The following COL19A1 variants were observed in gnomAD, a reference collection of about 807,000 sequenced individuals.
The protein encoded by COL19A1 is collagen alpha-1(XIX) chain.
COL19A1 carries 159 observed loss-of-function variants against 190.2 expected under a neutral mutation model. The ratio of observed to expected loss-of-function variants is 0.84; its 90% CI spans 0.73 to 0.95. COL19A1 has a LOEUF of 0.95. COL19A1 is among the 40% of genes least tolerant of loss of function. The pLI, the probability that COL19A1 is intolerant of heterozygous loss-of-function variation, is 0.00. For synonymous variants in COL19A1, 509 were observed against 458.9 expected, an observed-to-expected ratio of 1.11 and a Z score of -1.39; for missense variants, 1,418 against 1,431.9, an observed-to-expected ratio of 0.99 and a Z score of 0.16.
intron 48 of COL19A1, among the ~76,000 whole-genome samples, chr6:70,193,026 A>T (rs1394182248): frequency 2.0e-5 from 3 of 152,110 alleles, no homozygotes; most frequent in African/African-American, 7.2e-5. Flanking sequence ...AAAATCATAT[A>T]TTTAATAGTC....
intron 4 of COL19A1, among the ~76,000 whole-genome samples, chr6:69,909,157 C>T (rs1290925237): frequency 6.6e-6 from 1 of 152,124 alleles, no homozygotes; most frequent in Non-Finnish European, 1.5e-5. Flanking sequence ...CATTTACAAA[C>T]TTATCCATTT....
In COL19A1 at chr6:70,182,517, T is replaced by C. The variant is rs73746893; in HGVS notation, c.2775+1994T>C. ...GTATCTAAACCTGAGCCTGGAAAAG[T>C]GGAGTCACTGTGGATAGGAAGGGAA... On this transcript the variant is annotated intron_variant, in intron 44 of 50. Coordinates refer to ENST00000620364, the MANE Select transcript of COL19A1 (RefSeq NM_001858.6). Among the ~76,000 whole-genome samples the C allele has an allele frequency of 2.6e-3, 394 of 152,134 alleles. 4 individuals carry two copies. Among genetic ancestry groups the C allele is most frequent in the African/African-American group, 7.6e-3 (315 of 41,496 alleles).
In COL19A1 at chr6:69,921,434, A is replaced by ATTCATATATTCATAT. The variant is rs1333527522; in HGVS notation, c.267-6474_267-6473insTCATATATTCATATT. On this transcript the variant is annotated intron_variant, in intron 4 of 50. Transcript: ENST00000620364. ...ATCATATATCATATATATCATATAT[A>ATTCATATATTCATAT]TCATATATATCATATATCATATATA... 7.5e-3 allele frequency among the ~76,000 whole-genome samples: 586 copies of ATTCATATATTCATAT among 78,042 alleles called. 44 individuals are homozygous for ATTCATATATTCATAT. The highest frequency in any genetic ancestry group is 0.026 in the South Asian group (68 of 2,664). The allele number at this position is 78,042 out of a possible 152,430, so 51.2% of individuals were successfully genotyped here.
At chr6:69,910,250 C>T (rs1280870232) in intron 4 of COL19A1, among the ~76,000 whole-genome samples, 1 of 152,052 alleles carries the variant, frequency 6.6e-6, no homozygotes, top group Admixed American at 6.6e-5. Flanking sequence ...CTTATAATAC[C>T]ACCTTACATT....
At chr6:69,979,884 A>G (rs1775948623) in intron 11 of COL19A1, among the ~76,000 whole-genome samples, 1 of 151,976 alleles carries the variant, frequency 6.6e-6, no homozygotes, top group Middle Eastern at 4.3e-3. Flanking sequence ...AAGGGACAAG[A>G]TGTATACAAA....
At chr6:69,905,387 C>A (rs1455689172) in intron 4 of COL19A1, among the ~76,000 whole-genome samples, 2 of 152,206 alleles carry the variant, frequency 1.3e-5, no homozygotes, top group Non-Finnish European at 2.9e-5. Flanking sequence ...GGCTCCCACA[C>A]ACAGCTACAT....
chr6:69,975,587 C>T (rs991830135), intron 11 of COL19A1, among the ~76,000 whole-genome samples: 4 of 152,166 alleles, frequency 2.6e-5, no homozygotes, highest in Admixed American at 6.5e-5. Flanking sequence ...TACATGTATA[C>T]GTGCTGCCTT....
intron 46 of COL19A1, among the ~76,000 whole-genome samples, chr6:70,186,303 A>G (rs1016319993): frequency 2.6e-5 from 4 of 152,192 alleles, no homozygotes; most frequent in African/African-American, 9.7e-5. Context: ...CTTGCACATG[A>G]TCAGAGTATT....
chr6:69,940,893 T>A (rs1398246821), intron 9 of COL19A1, among the ~76,000 whole-genome samples: 1 of 152,192 alleles, frequency 6.6e-6, no homozygotes, highest in Admixed American at 6.6e-5. Context: ...TTATTTCTGC[T>A]CCTATTGCAC....
intron 2 of COL19A1, among the ~76,000 whole-genome samples, chr6:69,895,004 C>T (rs559957148): frequency 6.6e-6 from 1 of 152,308 alleles, no homozygotes; most frequent in East Asian, 1.9e-4. Flanking sequence ...ACCTCTTATT[C>T]TTATACAACT....
At chr6:69,986,426 C>A (rs1776321406) in intron 11 of COL19A1, among the ~76,000 whole-genome samples, 2 of 151,970 alleles carry the variant, frequency 1.3e-5, no homozygotes, top group African/African-American at 4.8e-5. Context: ...TCTGAAAAAC[C>A]ACCTACATCA....
intron 14 of COL19A1, among the ~76,000 whole-genome samples, chr6:70,039,856 G>A (rs1480199236): frequency 3.3e-5 from 5 of 150,896 alleles, no homozygotes; most frequent in African/African-American, 9.7e-5. Context: ...TTGACCTCAT[G>A]GGCTTACGTG....
At chr6:70,205,791 G>A (rs988872813) in intron 49 of COL19A1, among the ~76,000 whole-genome samples, 1 of 152,150 alleles carries the variant, frequency 6.6e-6, no homozygotes, top group South Asian at 2.1e-4. Context: ...TCAGCCAATA[G>A]CAAGCATATT....
chr6:70,140,348 G>A (rs1786166544), intron 19 of COL19A1, among the ~76,000 whole-genome samples: 1 of 151,784 alleles, frequency 6.6e-6, no homozygotes, highest in Admixed American at 6.6e-5. Flanking sequence ...TTTAAAATTT[G>A]TATAATTTTT....
At chr6:70,078,320 G>A (rs879882016) in intron 15 of COL19A1, among the ~76,000 whole-genome samples, 5 of 152,322 alleles carry the variant, frequency 3.3e-5, no homozygotes, top group Admixed American at 2.6e-4. Flanking sequence ...TAAAAGCAGA[G>A]CCTAAGATGG....
intron 27 of COL19A1, 39 bp from the exon 28 acceptor site, chr6:70,149,665 T>G (rs1786905621): frequency 6.2e-7 from 1 of 1,608,960 alleles, no homozygotes; most frequent in African/African-American, 1.3e-5. Context: ...ATGGACATTC[T>G]TGGTGGAATT....
chr6:70,124,837 A>G (rs1222277255), intron 17 of COL19A1, among the ~76,000 whole-genome samples: 1 of 152,216 alleles, frequency 6.6e-6, no homozygotes, highest in Non-Finnish European at 1.5e-5. Flanking sequence ...TCTGTGAATT[A>G]AGAGACAATA....
At chr6:69,879,376 T>C (rs1413941951) in intron 1 of COL19A1, among the ~76,000 whole-genome samples, 160 bp from the exon 2 acceptor site, 3 of 152,168 alleles carry the variant, frequency 2.0e-5, no homozygotes, top group Non-Finnish European at 2.9e-5. Flanking sequence ...CAGATTAAGG[T>C]ATATATTGAG....
intron 11 of COL19A1, among the ~76,000 whole-genome samples, chr6:69,981,278 T>C (rs1776018129): frequency 6.6e-6 from 1 of 152,124 alleles, no homozygotes; most frequent in Non-Finnish European, 1.5e-5. Flanking sequence ...AGAAAACACC[T>C]GAATACATTA....
Sources: gnomAD v4.1 joint callset for allele counts (sites outside exome capture counted in the v4.1 genomes callset) on GRCh38, gnomAD v4.1.1 for gene constraint, MANE v1.5 for transcripts, NCBI Gene and HGNC (gene_info 2026-07-23, HGNC 2026-07-21) for gene names.